ATAD2B: variants seen among roughly 807,000 people sequenced by gnomAD.
The protein encoded by ATAD2B is ATPase family AAA domain-containing protein 2B.
ATAD2B carries 40 observed loss-of-function variants against 167.6 expected under a neutral mutation model. The observed-to-expected ratio is 0.24, with a 90% confidence interval of 0.19 to 0.31. ATAD2B has a LOEUF of 0.31. ATAD2B is among the 10% of genes least tolerant of loss of function. The probability of loss-of-function intolerance (pLI) is 1.00; values close to 1 mark genes in which losing one functional copy is unlikely to be tolerated. For missense variants in ATAD2B, 1,242 were observed against 1,757.2 expected (o/e 0.71, Z 5.24); for synonymous variants, 579 against 596.5 (o/e 0.97, Z 0.43).
At chr2:23,910,001 T>C (rs971519963) in intron 1 of ATAD2B, among the ~76,000 whole-genome samples, 65 of 151,868 alleles carry the variant, frequency 4.3e-4, no homozygotes, top group Admixed American at 5.3e-4. Flanking sequence ...TAGCTGAGAC[T>C]ACAGGCACAC....
chr2:23,844,957 A>G (rs1573007683), intron 13 of ATAD2B, among the ~76,000 whole-genome samples: 2 of 11,860 alleles, frequency 1.7e-4, no homozygotes, highest in African/African-American at 3.5e-4. Flanking sequence ...TCAAGAAGGA[A>G]AAAAAAACCT....
chr2:23,688,286 C>A, the ATAD2B span, among the ~76,000 whole-genome samples: 1 of 152,194 alleles, frequency 6.6e-6, no homozygotes, highest in Non-Finnish European at 1.5e-5. Flanking sequence ...CATTCATGGG[C>A]GGAGTCCTCT....
the ATAD2B span, chr2:23,706,756 C>A: frequency 1.2e-6 from 1 of 842,730 alleles, no homozygotes; most frequent in Non-Finnish European, 1.7e-6. Context: ...AACAAGAGGC[C>A]AACAAAACAC....
the ATAD2B span, among the ~76,000 whole-genome samples, chr2:23,728,209 T>C: frequency 6.6e-6 from 1 of 152,178 alleles, no homozygotes; most frequent in Non-Finnish European, 1.5e-5. Context: ...AATTTTTCTG[T>C]AAATCTAAAA....
chr2:23,926,990 C>G lies in ATAD2B; in HGVS notation c.-220G>C, dbSNP rs146157237. ...GGGAAGCGGGGGCGGTGCTGCAGACCGGCAGCACAGACACTCCGCCGGCTT... is the reference window on the plus strand; with the variant it reads ...GGGAAGCGGGGGCGGTGCTGCAGACGGGCAGCACAGACACTCCGCCGGCTT... On this transcript the variant is annotated 5_prime_UTR_variant, in exon 1 of 28. Coordinates refer to ENST00000238789, the MANE Select transcript of ATAD2B (RefSeq NM_017552.4). The G allele has an allele frequency of 1.7e-5, 9 of 537,672 alleles. No individual in the cohort carries two copies. Among genetic ancestry groups the G allele is most frequent in the South Asian group, 8.3e-5 (3 of 36,174 alleles). 33.3% of individuals were successfully genotyped at this position (537,672 alleles called of 1,614,324 possible).
intron 13 of ATAD2B, among the ~76,000 whole-genome samples, chr2:23,848,890 T>TA (rs1278803924): frequency 1.3e-5 from 2 of 152,150 alleles, no homozygotes; most frequent in African/African-American, 4.8e-5. Context: ...CACAAGTATA[T>TA]ATGTATGTTA....
intron 1 of ATAD2B, among the ~76,000 whole-genome samples, chr2:23,916,211 G>A (rs1703022721): frequency 6.6e-6 from 1 of 152,126 alleles, no homozygotes; most frequent in East Asian, 1.9e-4. Context: ...GGCTAAAAGA[G>A]TTCACTATTC....
chr2:23,912,377 C>T (rs916574322), intron 1 of ATAD2B, among the ~76,000 whole-genome samples: 2 of 151,918 alleles, frequency 1.3e-5, no homozygotes, highest in African/African-American at 4.8e-5. Flanking sequence ...CCTGGTGGCA[C>T]ACACCTGTAG....
At chr2:23,825,109 A>ATTTTTT (rs70941593) in intron 15 of ATAD2B, among the ~76,000 whole-genome samples, 6 of 111,510 alleles carry the variant, frequency 5.4e-5, no homozygotes, top group Non-Finnish European at 7.0e-5. Flanking sequence ...CATCAGGCTA[A>ATTTTTT]TTTTTTTTTT....
intron 18 of ATAD2B, among the ~76,000 whole-genome samples, chr2:23,806,745 T>C (rs947372147): frequency 4.6e-5 from 7 of 152,160 alleles, no homozygotes; most frequent in African/African-American, 1.7e-4. Flanking sequence ...ATAAGCACGA[T>C]TATAACTAAC....
chr2:23,740,751 G>C, the ATAD2B span, among the ~76,000 whole-genome samples: 1 of 152,154 alleles, frequency 6.6e-6, no homozygotes, highest in East Asian at 1.9e-4. Context: ...AGGAAAAGAG[G>C]AAGTCAAATT....
At chr2:23,836,509 C>CAAG (rs1171738879) in intron 13 of ATAD2B, among the ~76,000 whole-genome samples, 1 of 152,162 alleles carries the variant, frequency 6.6e-6, no homozygotes. Flanking sequence ...TCAGCCCTGC[C>CAAG]ATCTGACAGG....
chr2:23,786,238 A>G lies in ATAD2B; in HGVS notation c.2777-15T>C, dbSNP rs1308498222. 1.3e-6 allele frequency: 2 copies of G among 1,547,540 alleles called. No individual in the cohort carries two copies. The highest frequency in any genetic ancestry group is 2.4e-5 in the East Asian group (1 of 41,742). On this transcript the variant is annotated splice_polypyrimidine_tract_variant and intron_variant, in intron 20 of 27. Transcript: ENST00000238789. Reference sequence around the variant, plus strand: ...AGCACAAAGAGCTAGAGAAAACAGAAGAAAATGTTAAGATTCCAACGTCGT... The same window carrying G: ...AGCACAAAGAGCTAGAGAAAACAGAGGAAAATGTTAAGATTCCAACGTCGT...
intron 8 of ATAD2B, chr2:23,872,530 T>C: frequency 2.2e-6 from 2 of 894,606 alleles, no homozygotes; most frequent in Admixed American, 3.5e-5. Context: ...AGCTCTGGCT[T>C]TGAGAGTCCT....
chr2:23,808,757 T>G (rs968624155), intron 18 of ATAD2B, among the ~76,000 whole-genome samples: 1 of 152,184 alleles, frequency 6.6e-6, no homozygotes, highest in Non-Finnish European at 1.5e-5. Flanking sequence ...TAATCTTGCA[T>G]GCTTTAGTAA....
At chr2:23,706,868 C>T in the ATAD2B span, 3 of 487,060 alleles carry the variant, frequency 6.2e-6, no homozygotes, top group Non-Finnish European at 1.1e-5. Flanking sequence ...CGCTTGGAGC[C>T]GCAGGAACCA....
chr2:23,700,036 C>G, the ATAD2B span, among the ~76,000 whole-genome samples: 1 of 152,246 alleles, frequency 6.6e-6, no homozygotes, highest in African/African-American at 2.4e-5. The surrounding 1 kb of genome is among the most constrained non-coding windows in gnomAD (Gnocchi z 4.6). Context: ...TTGACTTCCT[C>G]TCTCCTGTGC....
downstream of ATAD2B, among the ~76,000 whole-genome samples, chr2:23,746,746 A>G (rs995154612): frequency 6.6e-6 from 1 of 152,196 alleles, no homozygotes. Flanking sequence ...TAGGTTTCTC[A>G]CCAAGATAGG....
chr2:23,707,704 G>T, the ATAD2B span: 1 of 152,300 alleles, frequency 6.6e-6, no homozygotes, highest in Admixed American at 6.5e-5. Flanking sequence ...GGGAAGGGAA[G>T]GAGGGAGAAT....
Sources: allele counts gnomAD v4.1 joint callset (sites outside exome capture counted in the v4.1 genomes callset), GRCh38; gene constraint gnomAD v4.1.1; non-coding constraint Gnocchi (gnomAD v3.1); transcripts MANE v1.5; gene names NCBI Gene and HGNC (gene_info 2026-07-23, HGNC 2026-07-21).